MAP7: variants seen among roughly 807,000 people sequenced by gnomAD.
MAP7 encodes the protein ensconsin.
Under a neutral mutation model 94.8 loss-of-function variants are expected in MAP7, and 52 were observed. That is an observed-to-expected ratio of 0.55 (90% CI 0.44 to 0.69). The LOEUF (loss-of-function observed/expected upper bound fraction) is 0.69, where lower values mean the gene tolerates loss of function less well. MAP7 is among the 30% of genes least tolerant of loss of function. The pLI is 0.00. For synonymous variants in MAP7, 350 were observed against 357.0 expected (o/e 0.98, Z 0.22); for missense variants, 940 against 964.6 (o/e 0.97, Z 0.34).
At chr6:136,540,763 A>G (rs550928137) in intron 1 of MAP7, among the ~76,000 whole-genome samples, 2 of 152,314 alleles carry the variant, frequency 1.3e-5, no homozygotes, top group East Asian at 1.9e-4. Context: ...CTGATTGCAC[A>G]CCAGACCATC....
intron 15 of MAP7, among the ~76,000 whole-genome samples, chr6:136,357,224 G>T (rs1312366082): frequency 3.3e-5 from 5 of 152,070 alleles, no homozygotes; most frequent in African/African-American, 1.2e-4. Flanking sequence ...AAATATTTTT[G>T]AAAACTCAGT....
chr6:136,487,351 G>A (rs1213162421), intron 1 of MAP7, among the ~76,000 whole-genome samples: 2 of 152,138 alleles, frequency 1.3e-5, no homozygotes, highest in African/African-American at 4.8e-5. Flanking sequence ...CCAAAATGTT[G>A]ACATAGTTAT....
chr6:136,417,112 C>T (rs561065686), intron 2 of MAP7, among the ~76,000 whole-genome samples: 3 of 152,278 alleles, frequency 2.0e-5, no homozygotes, highest in Non-Finnish European at 4.4e-5. Flanking sequence ...GAGTGAGACC[C>T]TGTCTTGAAA....
intron 1 of MAP7, among the ~76,000 whole-genome samples, chr6:136,505,837 T>G (rs2129018209): frequency 6.6e-6 from 1 of 152,234 alleles, no homozygotes; most frequent in Non-Finnish European, 1.5e-5. Flanking sequence ...GTAGCAAAAA[T>G]AAGGAATTTT....
At chr6:136,449,004 A>T (rs1202699551) in intron 1 of MAP7, among the ~76,000 whole-genome samples, 2 of 28,386 alleles carry the variant, frequency 7.0e-5, no homozygotes, top group African/African-American at 3.4e-4. Context: ...AGTGGTGTTA[A>T]AAAAAAAAAA....
At chr6:136,501,988 T>C (rs144528927) in intron 1 of MAP7, among the ~76,000 whole-genome samples, 55 of 152,300 alleles carry the variant, frequency 3.6e-4, no homozygotes, top group African/African-American at 1.3e-3. Flanking sequence ...ACAGAGGTAG[T>C]AGTATTTGCC....
At chr6:136,485,063 A>G (rs1814192864) in intron 1 of MAP7, among the ~76,000 whole-genome samples, 1 of 152,170 alleles carries the variant, frequency 6.6e-6, no homozygotes, top group South Asian at 2.1e-4. Context: ...CAAAGCTTCT[A>G]CTGTAGCTCA....
intron 2 of MAP7, among the ~76,000 whole-genome samples, chr6:136,414,918 G>T (rs1239633013): frequency 6.6e-6 from 1 of 151,416 alleles, no homozygotes; most frequent in East Asian, 1.9e-4. Flanking sequence ...GGGTTTAAGC[G>T]ATTCTCCTGC....
chr6:136,451,102 C>T lies in MAP7; in HGVS notation c.68-29303G>A, dbSNP rs534320878. ...CTCTGTACCAGAAAGAAAGGGATGG[C>T]TCTAAATCTAAACTAGAAACTCTTA... is the stretch of plus-strand genomic sequence containing the variant. On this transcript the variant is annotated intron_variant, in intron 1 of 17. Coordinates refer to ENST00000354570, the MANE Select transcript of MAP7 (RefSeq NM_003980.6). Among the ~76,000 whole-genome samples, 15 of 152,318 alleles carry T rather than the reference C, an allele frequency of 9.8e-5. No individual in the cohort carries two copies. In the South Asian group the frequency reaches 2.9e-3, roughly 30 times the overall value.
At chr6:136,521,618 T>C (rs530679942) in intron 1 of MAP7, among the ~76,000 whole-genome samples, 1 of 152,276 alleles carries the variant, frequency 6.6e-6, no homozygotes, top group South Asian at 2.1e-4. Context: ...AAAGCAGAAG[T>C]TGTAAAATGT....
intron 1 of MAP7, among the ~76,000 whole-genome samples, chr6:136,515,114 C>T (rs1464063476): frequency 1.3e-5 from 2 of 152,222 alleles, no homozygotes; most frequent in Admixed American, 6.5e-5. Flanking sequence ...TGCTGCTTCA[C>T]CTTGTGCTTT....
intron 3 of MAP7, among the ~76,000 whole-genome samples, chr6:136,409,840 C>G (rs143629662): frequency 6.6e-6 from 1 of 152,164 alleles, no homozygotes; most frequent in African/African-American, 2.4e-5. Context: ...CTTTTAAATA[C>G]AATATATGGC....
chr6:136,522,564 C>A (rs1562485337), intron 1 of MAP7, among the ~76,000 whole-genome samples: 1 of 152,104 alleles, frequency 6.6e-6, no homozygotes, highest in Non-Finnish European at 1.5e-5. Flanking sequence ...TGGCAAACTT[C>A]TTTATTACTG....
chr6:136,468,044 C>T (rs1318170167), intron 1 of MAP7, among the ~76,000 whole-genome samples: 1 of 152,032 alleles, frequency 6.6e-6, no homozygotes, highest in South Asian at 2.1e-4. Context: ...GTGGAGTGCC[C>T]CTTCTAGCCC....
intron 1 of MAP7, among the ~76,000 whole-genome samples, chr6:136,536,990 C>A (rs1055896049): frequency 9.2e-5 from 14 of 152,176 alleles, no homozygotes; most frequent in Admixed American, 2.0e-4. Context: ...CATATACAGG[C>A]CTTCTCTCTT....
In MAP7 at chr6:136,343,070, T is replaced by G. The variant is rs1031627336; in HGVS notation, c.*1158A>C. 2 of 152,658 alleles carry G rather than the reference T, an allele frequency of 1.3e-5. No individual in the cohort carries two copies. Among genetic ancestry groups the G allele is most frequent in the Non-Finnish European group, 2.9e-5 (2 of 68,046 alleles). The allele number at this position is 152,658 out of a possible 1,614,324, so 9.5% of individuals were successfully genotyped here. Reference sequence around the variant, plus strand: ...ACATGTGCACCCTCTCCTTCTACATTTAATCATTAGTAGTCTCTAAAATGG... The same window carrying G: ...ACATGTGCACCCTCTCCTTCTACATGTAATCATTAGTAGTCTCTAAAATGG... On this transcript the variant is annotated 3_prime_UTR_variant, in exon 18 of 18. Coordinates refer to ENST00000354570, the MANE Select transcript of MAP7 (RefSeq NM_003980.6).
rs942194444 is a variant in MAP7, at chr6:136,460,891, A to G, written c.68-39092T>C. 4.5e-4 allele frequency among the ~76,000 whole-genome samples: 69 copies of G among 152,146 alleles called. 1 individual carries two copies. Among genetic ancestry groups the G allele is most frequent in the African/African-American group, 1.5e-3 (62 of 41,434 alleles). Reference sequence around the variant, plus strand: ...CAGCCCTCCACTAGACCCAATGAGAACACATCATTTTCATTATACTTGTCC... The same window carrying G: ...CAGCCCTCCACTAGACCCAATGAGAGCACATCATTTTCATTATACTTGTCC... On this transcript the variant is annotated intron_variant, in intron 1 of 17. Coordinates refer to ENST00000354570, the MANE Select transcript of MAP7 (RefSeq NM_003980.6).
intron 1 of MAP7, among the ~76,000 whole-genome samples, chr6:136,505,277 G>GTATATGTATATATATATATATA (rs1821127557): frequency 1.9e-5 from 1 of 53,810 alleles, no homozygotes; most frequent in African/African-American, 8.1e-5. Flanking sequence ...GTGTGTGTGT[G>GTATATGTATATATATATATATA]TATATATATA....
At chr6:136,488,547 C>T (rs1418555835) in intron 1 of MAP7, among the ~76,000 whole-genome samples, 3 of 150,020 alleles carry the variant, frequency 2.0e-5, no homozygotes, top group African/African-American at 4.9e-5. Flanking sequence ...TGGGTTTAAG[C>T]GATTCTCCTG....
Sources: gnomAD v4.1 joint callset for allele counts (sites outside exome capture counted in the v4.1 genomes callset) on GRCh38, gnomAD v4.1.1 for gene constraint, MANE v1.5 for transcripts, NCBI Gene and HGNC (gene_info 2026-07-23, HGNC 2026-07-21) for gene names.